DOCK7: variants seen among roughly 807,000 people sequenced by gnomAD.
The protein encoded by DOCK7 is dedicator of cytokinesis protein 7.
A neutral mutation model predicts 271.0 loss-of-function variants in DOCK7; 138 were observed. The observed-to-expected ratio is 0.51, with a 90% CI of 0.44 to 0.59. The LOEUF (loss-of-function observed/expected upper bound fraction) is 0.59, where lower values mean the gene tolerates loss of function less well. DOCK7 is among the 20% of genes least tolerant of loss of function. The pLI, the probability that DOCK7 is intolerant of heterozygous loss-of-function variation, is 0.00. For synonymous variants in DOCK7, 823 were observed against 876.1 expected (o/e 0.94, Z 1.07); for missense variants, 2,066 against 2,592.4 (o/e 0.80, Z 4.41).
intron 27 of DOCK7, among the ~76,000 whole-genome samples, chr1:62,538,597 A>G (rs1313264142): frequency 6.6e-6 from 1 of 152,220 alleles, no homozygotes; most frequent in Non-Finnish European, 1.5e-5. Context: ...TAGTACATAA[A>G]GTTTTGGGGG....
intron 23 of DOCK7, among the ~76,000 whole-genome samples, chr1:62,544,408 C>T (rs1645632625): frequency 6.6e-6 from 1 of 152,108 alleles, no homozygotes; most frequent in African/African-American, 2.4e-5. Flanking sequence ...CAACACAGTA[C>T]AAATTAAAAT....
intron 12 of DOCK7, 57 bp downstream of exon 12, chr1:62,625,202 A>AT: frequency 6.3e-7 from 1 of 1,589,950 alleles, no homozygotes; most frequent in Non-Finnish European, 8.6e-7. Flanking sequence ...CCTTTCTGAA[A>AT]TTAAAAAAAT....
chr1:62,625,864 C>T (rs1050452229), intron 11 of DOCK7, among the ~76,000 whole-genome samples: 2 of 152,106 alleles, frequency 1.3e-5, no homozygotes, highest in South Asian at 2.1e-4. Context: ...AGAATACTTG[C>T]ACAAAACTAT....
intron 1 of DOCK7, among the ~76,000 whole-genome samples, chr1:62,678,773 G>T (rs1660801733): frequency 6.6e-6 from 1 of 151,846 alleles, no homozygotes; most frequent in Non-Finnish European, 1.5e-5. Flanking sequence ...TTTATAATTT[G>T]TAAAAAAAAT....
intron 14 of DOCK7, among the ~76,000 whole-genome samples, chr1:62,599,571 T>C (rs187494055): frequency 1.3e-5 from 2 of 152,232 alleles, no homozygotes; most frequent in East Asian, 3.9e-4. Context: ...TGCACTAAAA[T>C]GTAAGCTCTG....
intron 14 of DOCK7, chr1:62,600,894 G>A (rs1278646422): frequency 4.0e-6 from 2 of 504,392 alleles, no homozygotes; most frequent in Non-Finnish European, 7.2e-6. Context: ...ATTAAATAAT[G>A]TCCCTGATTA....
chr1:62,557,855 C>T (rs927042931), intron 20 of DOCK7, among the ~76,000 whole-genome samples: 1 of 151,820 alleles, frequency 6.6e-6, no homozygotes, highest in Non-Finnish European at 1.5e-5. Flanking sequence ...TCCATTCTCT[C>T]TTCTCCATCC....
intron 4 of DOCK7, among the ~76,000 whole-genome samples, chr1:62,651,519 G>GA (rs529180862): frequency 4.4e-3 from 526 of 120,800 alleles, no homozygotes; most frequent in African/African-American, 1.0e-2. Context: ...GGGGGAGCCC[G>GA]AAAAAAAAAA....
chr1:62,604,141 T>C lies in DOCK7; in HGVS notation c.1682+14565A>G, dbSNP rs777246274. The C allele has an allele frequency of 1.8e-5, 29 of 1,613,448 alleles. No homozygotes were observed. The highest frequency in any genetic ancestry group is 2.4e-5 in the Non-Finnish European group (28 of 1,179,494). On this transcript the variant is annotated intron_variant, in intron 14 of 49. Transcript: ENST00000635253. ...TACATCTAGTTGCGATTACTGGCAA[T>C]GTCCCCAATGCAATCCCGGAAAACA...
intron 14 of DOCK7, among the ~76,000 whole-genome samples, chr1:62,593,529 C>T (rs1050118897): frequency 7.9e-5 from 12 of 152,228 alleles, no homozygotes; most frequent in South Asian, 4.1e-4. Flanking sequence ...GAGATCACGA[C>T]GCTGCACTCC....
chr1:62,624,239 AG>A (rs575290141), intron 12 of DOCK7, among the ~76,000 whole-genome samples: 4 of 151,694 alleles, frequency 2.6e-5, no homozygotes, highest in Non-Finnish European at 5.9e-5. Context: ...CAAAAGGGGG[AG>A]GGGGGGAACG....
At chr1:62,556,055 TCAA>T (rs1327261277) in intron 20 of DOCK7, 66 bp from the exon 21 acceptor site, 34 of 1,512,236 alleles carry the variant, frequency 2.2e-5, no homozygotes, top group Non-Finnish European at 2.9e-5. Context: ...TCCACGAAGA[TCAA>T]CATTTTGTCA....
intron 19 of DOCK7, among the ~76,000 whole-genome samples, chr1:62,559,855 C>T (rs1201945991): frequency 6.6e-6 from 1 of 152,118 alleles, no homozygotes; most frequent in African/African-American, 2.4e-5. Flanking sequence ...GCTCACTGTG[C>T]CTCAAACGTT....
At chr1:62,659,292 G>C (rs1475936601) in intron 2 of DOCK7, among the ~76,000 whole-genome samples, 1 of 152,070 alleles carries the variant, frequency 6.6e-6, no homozygotes, top group Non-Finnish European at 1.5e-5. Flanking sequence ...TGTAAAAATA[G>C]GTAAGGTTTC....
intron 10 of DOCK7, 70 bp downstream of exon 10, chr1:62,633,428 T>C: frequency 2.5e-6 from 3 of 1,177,882 alleles, no homozygotes; most frequent in South Asian, 2.6e-5. Context: ...TAAAATGCTA[T>C]TGGGAGAATA....
At chr1:62,579,585 C>G (rs1437661890) in intron 16 of DOCK7, among the ~76,000 whole-genome samples, 1 of 150,592 alleles carries the variant, frequency 6.6e-6, no homozygotes, top group Non-Finnish European at 1.5e-5. Flanking sequence ...TAAAAAAGTC[C>G]TAGCTACTTG....
chr1:62,584,950 C>A (rs1222022817), intron 15 of DOCK7: 4 of 655,632 alleles, frequency 6.1e-6, no homozygotes, highest in South Asian at 1.7e-5. Flanking sequence ...ATAGATTATT[C>A]TACATATATT....
chr1:62,593,935 T>G (rs914312967), intron 14 of DOCK7, among the ~76,000 whole-genome samples: 4 of 152,156 alleles, frequency 2.6e-5, no homozygotes, highest in Non-Finnish European at 4.4e-5. Flanking sequence ...GAAAGACATA[T>G]CTCCATAAGA....
chr1:62,596,660 T>C (rs1174634113), intron 14 of DOCK7, among the ~76,000 whole-genome samples: 1 of 152,138 alleles, frequency 6.6e-6, no homozygotes, highest in Non-Finnish European at 1.5e-5. Flanking sequence ...AAAATGTTAT[T>C]AATCTCCTCT....
Sources: gnomAD v4.1 joint callset for allele counts (sites outside exome capture counted in the v4.1 genomes callset) on GRCh38, gnomAD v4.1.1 for gene constraint, MANE v1.5 for transcripts, NCBI Gene and HGNC (gene_info 2026-07-23, HGNC 2026-07-21) for gene names.